KCNN3: variants seen among roughly 807,000 people sequenced by gnomAD.
KCNN3 encodes the protein potassium calcium-activated channel subfamily N member 3.
A neutral mutation model predicts 62.9 loss-of-function variants in KCNN3; 16 were observed. The ratio of observed to expected loss-of-function variants is 0.25; its 90% CI spans 0.17 to 0.39. The LOEUF (loss-of-function observed/expected upper bound fraction) is 0.39, where lower values mean the gene tolerates loss of function less well. Ranked by LOEUF, KCNN3 falls within the 10% of genes least tolerant of loss-of-function variation. The pLI is 1.00. For missense variants in KCNN3, 599 were observed against 949.4 expected (o/e 0.63, Z 4.85); for synonymous variants, 370 against 389.2 (o/e 0.95, Z 0.58).
intron 2 of KCNN3, among the ~76,000 whole-genome samples, chr1:154,782,117 T>G (rs1649078333): frequency 6.6e-6 from 1 of 151,718 alleles, no homozygotes; most frequent in Non-Finnish European, 1.5e-5. Context: ...GAGAAAGAAG[T>G]GAGGGATGAT....
At chr1:154,859,983 A>G in intron 1 of KCNN3, 1 of 657,106 alleles carries the variant, frequency 1.5e-6, no homozygotes, top group Non-Finnish European at 2.5e-6. Context: ...GGCTCTGCTC[A>G]GAATACAACT....
At chr1:154,778,648 T>A (rs1648894211) in intron 2 of KCNN3, among the ~76,000 whole-genome samples, 1 of 147,674 alleles carries the variant, frequency 6.8e-6, no homozygotes, top group Non-Finnish European at 1.5e-5. Context: ...AGACAGAGTT[T>A]CACTCCTGTC....
rs1699806871 is a variant in KCNN3, at chr1:154,699,417, G to A, written c.*8559C>T. ...TGCGGGTATATGTGTGTGCACCTAT[G>A]TATGTATAAATCTGTAAATATTTGC... is the stretch of plus-strand genomic sequence containing the variant. On this transcript the variant is annotated 3_prime_UTR_variant, in exon 8 of 8. Coordinates refer to ENST00000271915, the MANE Select transcript of KCNN3 (RefSeq NM_002249.6). 6.6e-6 allele frequency: 1 copy of A among 152,050 alleles called. No homozygotes were observed. The highest frequency in any genetic ancestry group is 1.5e-5 in the Non-Finnish European group (1 of 68,018). 9.4% of individuals were successfully genotyped at this position (152,050 alleles called of 1,614,324 possible).
At chr1:154,841,009 G>GCAGGCCTGCCCCTGCGGGGT (rs1199243586) in intron 1 of KCNN3, among the ~76,000 whole-genome samples, 7 of 149,392 alleles carry the variant, frequency 4.7e-5, no homozygotes, top group South Asian at 2.2e-4. Context: ...GAGACCAGGG[G>GCAGGCCTGCCCCTGCGGGGT]CAGGCCTGCC....
intron 2 of KCNN3, among the ~76,000 whole-genome samples, chr1:154,799,918 C>G (rs1392808241): frequency 6.6e-6 from 1 of 152,200 alleles, no homozygotes; most frequent in Non-Finnish European, 1.5e-5. Flanking sequence ...GCAGCCACCC[C>G]ACCTTTTGCT....
chr1:154,816,637 T>C (rs1328706189), intron 2 of KCNN3, among the ~76,000 whole-genome samples: 3 of 152,176 alleles, frequency 2.0e-5, no homozygotes, highest in Non-Finnish European at 4.4e-5. Flanking sequence ...CCAGGGGTAC[T>C]GGATCCCTCC....
At chr1:154,776,545 T>C (rs181435075) in intron 2 of KCNN3, among the ~76,000 whole-genome samples, 4 of 152,292 alleles carry the variant, frequency 2.6e-5, no homozygotes, top group Admixed American at 6.5e-5. Context: ...GAAGATCCCA[T>C]TGCTGTCCCA....
intron 1 of KCNN3, among the ~76,000 whole-genome samples, chr1:154,825,677 G>T (rs2798604): frequency 0.73 from 111,011 of 151,556 alleles, 41,489 homozygotes; most frequent in East Asian, 0.94. Context: ...TGAGAGTCAT[G>T]TTTTAAAGTC....
rs774674729 is a variant in KCNN3, at chr1:154,771,873, C to A, written c.1448+102G>T. The A allele has an allele frequency of 5.1e-6, 6 of 1,170,258 alleles. No homozygotes were observed. In the Admixed American group the frequency reaches 9.0e-5, roughly 17 times the overall value. 72.5% of individuals were successfully genotyped at this position (1,170,258 alleles called of 1,614,324 possible). A position where few individuals can be genotyped will look rare whatever the true frequency, so the allele number is the denominator to read the frequency against. On this transcript the variant is annotated intron_variant, in intron 3 of 7. Transcript: ENST00000271915. Reference sequence around the variant, plus strand: ...CTCCTTTCAGGTGTCTGGGTACATGCCTGTCTCCTCCATCAGACCACATAC... The same window carrying A: ...CTCCTTTCAGGTGTCTGGGTACATGACTGTCTCCTCCATCAGACCACATAC...
At chr1:154,753,709 C>T (rs773648525) in intron 3 of KCNN3, among the ~76,000 whole-genome samples, 78 of 152,296 alleles carry the variant, frequency 5.1e-4, no homozygotes, top group Middle Eastern at 3.4e-3. Context: ...TTCATAGGGT[C>T]GTGGTGAAAA....
chr1:154,725,017 C>A (rs779894887), intron 5 of KCNN3, among the ~76,000 whole-genome samples: 5 of 152,042 alleles, frequency 3.3e-5, no homozygotes, highest in Non-Finnish European at 5.9e-5. Context: ...CCACCACACC[C>A]AGCTAATTTT....
At chr1:154,757,046 G>A (rs771261783) in intron 3 of KCNN3, among the ~76,000 whole-genome samples, 15 of 152,134 alleles carry the variant, frequency 9.9e-5, no homozygotes, top group South Asian at 2.1e-4. Flanking sequence ...TGCATTCTCC[G>A]GGAGCAAGCA....
At position 154,703,202 on chromosome 1, in the gene KCNN3, GCACAAGCTTTCTACTAC is replaced by G. The variant is rs1299824660; in HGVS notation, c.*4757_*4773del. 3.3e-5 allele frequency: 5 copies of G among 152,076 alleles called. No homozygotes were observed. In the East Asian group the frequency reaches 9.7e-4, roughly 29 times the overall value. The allele number at this position is 152,076 out of a possible 1,614,324, so 9.4% of individuals were successfully genotyped here. A position where few individuals can be genotyped will look rare whatever the true frequency, so the allele number is the denominator to read the frequency against. The stretch of plus-strand genomic sequence containing the variant: ...CATTAATTTCTATTCATGCAGCCTG[GCACAAGCTTTCTACTAC>G]CACAAGCAGACAGTTACTATTGCGA... On this transcript the variant is annotated 3_prime_UTR_variant, in exon 8 of 8. Coordinates refer to ENST00000271915, the MANE Select transcript of KCNN3 (RefSeq NM_002249.6).
intron 1 of KCNN3, among the ~76,000 whole-genome samples, chr1:154,855,218 A>AAAATAAATAAAT (rs57512838): frequency 7.4e-4 from 110 of 149,360 alleles, no homozygotes; most frequent in African/African-American, 1.9e-3. Context: ...ACTCTGTCTC[A>AAAATAAATAAAT]AAATAAATAA....
intron 1 of KCNN3, among the ~76,000 whole-genome samples, chr1:154,846,399 G>T (rs1187804968): frequency 6.6e-6 from 1 of 152,222 alleles, no homozygotes; most frequent in Non-Finnish European, 1.5e-5. Context: ...AGCCCCCGAG[G>T]CTCCTTTCTG....
At chr1:154,739,044 A>C (rs745897111) in intron 3 of KCNN3, among the ~76,000 whole-genome samples, 12 of 152,240 alleles carry the variant, frequency 7.9e-5, no homozygotes, top group Non-Finnish European at 1.0e-4. Flanking sequence ...ATAATACCTA[A>C]ATAAACCAAA....
rs976231070 is a variant in KCNN3, at chr1:154,865,030, C to T, written c.933+4002G>A. On this transcript the variant is annotated intron_variant, in intron 1 of 7. Coordinates refer to ENST00000271915, the MANE Select transcript of KCNN3 (RefSeq NM_002249.6). ...TGCCTTGCCAGCCACACAGAGGTAC[C>T]AGCTCAGCCACCAACATGATGGCAG... Among the ~76,000 whole-genome samples the T allele has an allele frequency of 7.9e-5, 12 of 152,184 alleles. No homozygotes were observed. The East Asian group carries it at 9.7e-4, about 12-fold the overall frequency.
chr1:154,752,616 G>A (rs955765029), intron 3 of KCNN3, among the ~76,000 whole-genome samples: 2 of 152,178 alleles, frequency 1.3e-5, no homozygotes, highest in Non-Finnish European at 2.9e-5. Flanking sequence ...GGGCCACAGA[G>A]GAGAACCTGT....
intron 5 of KCNN3, among the ~76,000 whole-genome samples, chr1:154,725,008 C>A (rs1700431164): frequency 6.6e-6 from 1 of 152,078 alleles, no homozygotes. Context: ...AGGTGACTGC[C>A]ACCACACCCA....
Sources: gnomAD v4.1 joint callset for allele counts (sites outside exome capture counted in the v4.1 genomes callset) on GRCh38, gnomAD v4.1.1 for gene constraint, MANE v1.5 for transcripts, NCBI Gene and HGNC (gene_info 2026-07-23, HGNC 2026-07-21) for gene names.